Variants in ACYP2 observed in about 807,000 individuals in gnomAD.
ACYP2 encodes the protein acylphosphatase-2.
A neutral mutation model predicts 11.2 loss-of-function variants in ACYP2; 12 were observed. That is an observed-to-expected ratio of 1.08 (90% CI 0.69 to 1.74). The LOEUF (loss-of-function observed/expected upper bound fraction) is 1.74. ACYP2 is among the 40% of genes most tolerant of loss of function. The pLI, the probability that ACYP2 is intolerant of heterozygous loss-of-function variation, is 0.00. For synonymous variants in ACYP2, 43 were observed against 32.2 expected (o/e 1.33, Z -1.13); for missense variants, 134 against 101.9 (o/e 1.31, Z -1.35).
At chr2:54,125,371 G>C (rs1322141237) in intron 4 of ACYP2, among the ~76,000 whole-genome samples, 1 of 152,062 alleles carries the variant, frequency 6.6e-6, no homozygotes, top group East Asian at 1.9e-4. Flanking sequence ...AATCCTTAAA[G>C]TCTAAAATCC....
rs182099634 is a variant in ACYP2 at position 54,116,047 on chromosome 2, C to T, written c.278-19406C>T. Among the ~76,000 whole-genome samples the T allele has an allele frequency of 1.7e-3, 261 of 151,824 alleles. 2 individuals carry two copies. The highest frequency in any genetic ancestry group is 0.015 in the Admixed American group (233 of 15,246). ...CTGCTGGGTGCGGGAGTAAGCGGCA[C>T]GGGGGAATGTTGAAGTTGGGTAGGA... On this transcript the variant is annotated intron_variant, in intron 4 of 6. Transcript: ENST00000607452.
intron 6 of ACYP2, among the ~76,000 whole-genome samples, chr2:54,260,059 G>T (rs1017320419): frequency 6.6e-6 from 1 of 152,136 alleles, no homozygotes; most frequent in Admixed American, 6.5e-5. Context: ...GGGATGTCCT[G>T]GAATAGACAA....
intron 6 of ACYP2, among the ~76,000 whole-genome samples, chr2:54,239,899 C>T (rs1572977916): frequency 6.6e-6 from 1 of 152,008 alleles, no homozygotes; most frequent in East Asian, 1.9e-4. Context: ...AATCTATTCA[C>T]TTCTTTATTT....
intron 6 of ACYP2, among the ~76,000 whole-genome samples, chr2:54,218,507 A>G (rs1685653079): frequency 6.6e-6 from 1 of 152,194 alleles, no homozygotes; most frequent in Non-Finnish European, 1.5e-5. Context: ...AACATTGAAG[A>G]GTTGTTTGGT....
chr2:54,205,547 G>A (rs564103296), intron 6 of ACYP2, among the ~76,000 whole-genome samples: 117 of 152,174 alleles, frequency 7.7e-4, no homozygotes, highest in Non-Finnish European at 1.4e-3. Flanking sequence ...CTTCCCAGAT[G>A]AGGCAGCAGT....
intron 3 of ACYP2, chr2:54,051,776 G>A: frequency 2.1e-6 from 1 of 480,002 alleles, no homozygotes; most frequent in Non-Finnish European, 3.8e-6. Flanking sequence ...CAGGCTCAGT[G>A]GCTCACACCT....
chr2:54,180,948 A>G (rs1423421100), intron 6 of ACYP2, among the ~76,000 whole-genome samples: 4 of 152,156 alleles, frequency 2.6e-5, no homozygotes, highest in African/African-American at 9.7e-5. Flanking sequence ...CCACCTCCAG[A>G]TACTCTCACA....
At chr2:54,007,869 A>C (rs759313883) in intron 2 of ACYP2, among the ~76,000 whole-genome samples, 10 of 152,182 alleles carry the variant, frequency 6.6e-5, no homozygotes, top group Non-Finnish European at 8.8e-5. Context: ...TGACTGAAAA[A>C]AAACAAACAA....
chr2:54,017,589 A>T (rs1673770618), intron 2 of ACYP2, among the ~76,000 whole-genome samples: 1 of 152,068 alleles, frequency 6.6e-6, no homozygotes. Context: ...ATTTTGGAAA[A>T]CACATTCAGC....
intron 6 of ACYP2, among the ~76,000 whole-genome samples, chr2:54,150,758 G>C (rs879906813): frequency 0.084 from 5,673 of 67,240 alleles, 157 homozygotes; most frequent in Admixed American, 0.15. Context: ...TTTTTTTTTT[G>C]TGAGACGGAG....
intron 6 of ACYP2, among the ~76,000 whole-genome samples, chr2:54,296,940 T>C (rs1327923675): frequency 6.6e-6 from 1 of 152,138 alleles, no homozygotes; most frequent in Non-Finnish European, 1.5e-5. Context: ...CTGATTCAGA[T>C]TTACCGCAGA....
intron 2 of ACYP2, among the ~76,000 whole-genome samples, chr2:54,020,711 C>G (rs1050505763): frequency 2.6e-5 from 4 of 152,186 alleles, no homozygotes; most frequent in African/African-American, 9.7e-5. Flanking sequence ...TATTTATCAT[C>G]TAAATATATA....
chr2:54,133,931 T>TA (rs748204681), intron 4 of ACYP2, among the ~76,000 whole-genome samples: 53 of 152,182 alleles, frequency 3.5e-4, no homozygotes, highest in Non-Finnish European at 6.9e-4. Flanking sequence ...ATGAGACTCC[T>TA]ATAGTTTTGC....
At chr2:54,117,711 G>A (rs753066824) in intron 4 of ACYP2, among the ~76,000 whole-genome samples, 1 of 152,192 alleles carries the variant, frequency 6.6e-6, no homozygotes, top group African/African-American at 2.4e-5. Context: ...GTGTACCAGG[G>A]TAAGATTAAG....
At chr2:54,040,261 C>T (rs1675153921) in intron 2 of ACYP2, among the ~76,000 whole-genome samples, 1 of 151,874 alleles carries the variant, frequency 6.6e-6, no homozygotes, top group Admixed American at 6.6e-5. Flanking sequence ...CTCTGCAACT[C>T]GGGAAAAGAA....
intron 2 of ACYP2, among the ~76,000 whole-genome samples, chr2:53,994,220 C>T (rs1672446476): frequency 6.7e-6 from 1 of 149,812 alleles, no homozygotes; most frequent in Non-Finnish European, 1.5e-5. Flanking sequence ...GCCCCAGCTA[C>T]TCGGAAGGCT....
At chr2:54,286,513 CCTAA>C (rs1316965008) in intron 6 of ACYP2, among the ~76,000 whole-genome samples, 3 of 151,980 alleles carry the variant, frequency 2.0e-5, no homozygotes, top group Non-Finnish European at 2.9e-5. Context: ...TGAATCTAAC[CCTAA>C]CTAATAGTCA....
chr2:54,180,428 G>T (rs1333503213), intron 6 of ACYP2, among the ~76,000 whole-genome samples: 2 of 152,002 alleles, frequency 1.3e-5, no homozygotes, highest in East Asian at 3.9e-4. Flanking sequence ...CCATCCTGAA[G>T]CTACCACCTG....
intron 4 of ACYP2, among the ~76,000 whole-genome samples, chr2:54,061,067 C>T (rs1333528824): frequency 6.6e-6 from 1 of 151,988 alleles, no homozygotes; most frequent in African/African-American, 2.4e-5. Context: ...ATTACCCAGG[C>T]TTGGTCTTGA....
Sources: allele counts gnomAD v4.1 joint callset (sites outside exome capture counted in the v4.1 genomes callset), GRCh38; gene constraint gnomAD v4.1.1; transcripts MANE v1.5; gene names NCBI Gene and HGNC (gene_info 2026-07-23, HGNC 2026-07-21).